The following UTP6 variants were observed in gnomAD, a reference collection of about 807,000 sequenced individuals.
The protein encoded by UTP6 is U3 small nucleolar RNA-associated protein 6 homolog.
A neutral mutation model predicts 96.5 loss-of-function variants in UTP6; 60 were observed. The observed-to-expected ratio is 0.62, with a 90% confidence interval of 0.51 to 0.77. The LOEUF is 0.77. UTP6 is among the 30% of genes least tolerant of loss of function. UTP6 has a pLI of 0.00. For synonymous variants in UTP6, 215 were observed against 240.1 expected (o/e 0.90, Z 0.96); for missense variants, 637 against 706.5 (o/e 0.90, Z 1.12).
At chr17:31,870,986 A>C (rs1035304115) in intron 16 of UTP6, among the ~76,000 whole-genome samples, 2 of 107,058 alleles carry the variant, frequency 1.9e-5, no homozygotes, top group African/African-American at 6.6e-5. Context: ...CAACTTTTTA[A>C]GTTTTTTTTT....
Position 31,887,260 on chromosome 17 carries a change from T to C in UTP6, c.597A>G (p.Glu199=), listed in dbSNP as rs1911204283. ...HAEKLRKEKE[E]FEKASMDVEN... Reference sequence around the variant, plus strand: ...CCACATCCATACTGGCTTTTTCAAATTCTTCCTTCTCCTTCCTCAGTTTTT... The same window carrying C: ...CCACATCCATACTGGCTTTTTCAAACTCTTCCTTCTCCTTCCTCAGTTTTT... The change falls in exon 8 of 19, where the codon GAA becomes GAG. Residue 199 remains glutamate, a synonymous_variant. Transcript: ENST00000261708. 6.2e-7 allele frequency: 1 copy of C among 1,614,044 alleles called. No individual in the cohort carries two copies. The highest frequency in any genetic ancestry group is 1.1e-5 in the South Asian group (1 of 91,082).
At chr17:31,893,340 CACTTGA>C (rs1422641017) in intron 4 of UTP6, among the ~76,000 whole-genome samples, 1 of 148,810 alleles carries the variant, frequency 6.7e-6, no homozygotes, top group Admixed American at 6.7e-5. Context: ...GCAGAAGAAT[CACTTGA>C]ACCTAGGAGG....
chr17:31,884,396 T>C lies in UTP6; in HGVS notation c.785+28A>G, dbSNP rs181678879. On this transcript the variant is annotated intron_variant, in intron 10 of 18. Transcript: ENST00000261708. ...TTAATCTCAAGATCAGAAATAGATA[T>C]ATTCACCTTTCTACTAACTTTACTT... The C allele has an allele frequency of 5.3e-4, 820 of 1,542,100 alleles. 9 individuals carry two copies. In the East Asian group the frequency reaches 0.011, roughly 20 times the overall value.
At chr17:31,884,615 G>A (rs965638054) in intron 9 of UTP6, 110 bp from the exon 10 acceptor site, 46 of 839,934 alleles carry the variant, frequency 5.5e-5, no homozygotes, top group Non-Finnish European at 7.5e-5. Context: ...TTTTTGAAAT[G>A]AGAAATAGAA....
intron 17 of UTP6, among the ~76,000 whole-genome samples, chr17:31,867,506 T>G (rs1909894832): frequency 7.2e-6 from 1 of 139,714 alleles, no homozygotes; most frequent in Admixed American, 7.2e-5. Context: ...AGACTCTATC[T>G]CAAAAAAAAA....
intron 10 of UTP6, 140 bp downstream of exon 10, chr17:31,884,284 C>T: frequency 1.6e-6 from 1 of 637,136 alleles, no homozygotes; most frequent in East Asian, 3.2e-5. Flanking sequence ...AGGTGTGAGC[C>T]ACTGCACCCG....
chr17:31,887,173 C>G lies in UTP6; in HGVS notation c.621+63G>C, dbSNP rs1051387919. Reference sequence around the variant, plus strand: ...TATATTCCAAATATTTTCTCTTACTCCTAAGCAGGCTCAAAATGTTATACA... The same window carrying G: ...TATATTCCAAATATTTTCTCTTACTGCTAAGCAGGCTCAAAATGTTATACA... On this transcript the variant is annotated intron_variant, in intron 8 of 18. Coordinates refer to ENST00000261708, the MANE Select transcript of UTP6 (RefSeq NM_018428.3). 3 of 1,416,510 alleles carry G rather than the reference C, an allele frequency of 2.1e-6. No homozygotes were observed. The South Asian group carries it at 3.6e-5, about 17-fold the overall frequency. 87.7% of individuals were successfully genotyped at this position (1,416,510 alleles called of 1,614,324 possible).
At chr17:31,870,819 G>A (rs898201056) in intron 16 of UTP6, among the ~76,000 whole-genome samples, 5 of 151,566 alleles carry the variant, frequency 3.3e-5, no homozygotes, top group African/African-American at 9.7e-5. Context: ...CACCGCACCT[G>A]GATGTTTTTG....
At chr17:31,873,522 G>A (rs1169501881) in intron 15 of UTP6, 35 bp from the exon 16 acceptor site, 1 of 1,609,200 alleles carries the variant, frequency 6.2e-7, no homozygotes, top group South Asian at 1.1e-5. Context: ...GAAGCTATGT[G>A]AGAAAACTTA....
rs190926113 is a variant in UTP6 at position 31,899,612 on chromosome 17, A to T, written c.177+34T>A. ...GCCATCTCACCAAAAAACAAAAAAGAAAAAAAGAAAGAAATTATTAATTAC... is the reference window on the plus strand; with the variant it reads ...GCCATCTCACCAAAAAACAAAAAAGTAAAAAAGAAAGAAATTATTAATTAC... On this transcript the variant is annotated intron_variant, in intron 2 of 18. Transcript: ENST00000261708. The T allele has an allele frequency of 6.0e-5, 91 of 1,528,476 alleles. No homozygotes were observed. In the African/African-American group the frequency reaches 1.0e-3, roughly 17 times the overall value. The allele number at this position is 1,528,476 out of a possible 1,614,324, so 94.7% of individuals were successfully genotyped here.
intron 12 of UTP6, 84 bp downstream of exon 12, chr17:31,878,618 C>T: frequency 7.7e-7 from 1 of 1,297,780 alleles, no homozygotes; most frequent in Non-Finnish European, 1.1e-6. Flanking sequence ...AGAAACTGTG[C>T]CAGACACCAA....
At chr17:31,888,735 A>T (rs527591380) in intron 7 of UTP6, among the ~76,000 whole-genome samples, 1 of 151,906 alleles carries the variant, frequency 6.6e-6, no homozygotes, top group Non-Finnish European at 1.5e-5. Context: ...ACACCTCCAC[A>T]CTTATTCCTA....
At chr17:31,882,033 T>G (rs921016723) in intron 10 of UTP6, among the ~76,000 whole-genome samples, 1 of 151,798 alleles carries the variant, frequency 6.6e-6, no homozygotes, top group Non-Finnish European at 1.5e-5. Flanking sequence ...GTGTGTGTGT[T>G]TGTGTGTGTG....
At chr17:31,901,443 C>T (rs1416984838) in intron 1 of UTP6, 93 bp downstream of exon 1, 8 of 1,185,706 alleles carry the variant, frequency 6.7e-6, no homozygotes, top group Non-Finnish European at 1.2e-6. Context: ...AAAGTAAACA[C>T]AGGTCGAGCG....
chr17:31,879,194 A>G (rs1910678781), intron 11 of UTP6, among the ~76,000 whole-genome samples: 1 of 152,106 alleles, frequency 6.6e-6, no homozygotes, highest in Non-Finnish European at 1.5e-5. Flanking sequence ...GTTCAAGACC[A>G]GCCTGGCCAA....
intron 17 of UTP6, 74 bp from the exon 18 acceptor site, chr17:31,865,512 A>C (rs1359522851): frequency 7.1e-7 from 1 of 1,415,006 alleles, no homozygotes; most frequent in Non-Finnish European, 9.9e-7. Flanking sequence ...CATATTGTTA[A>C]GCAGCTACTG....
intron 17 of UTP6, chr17:31,866,680 CAA>C (rs1909835857): frequency 1.5e-5 from 2 of 137,704 alleles, no homozygotes; most frequent in Admixed American, 8.0e-5. Context: ...TGCAGTGAGC[CAA>C]GAGTCCAGCC....
At chr17:31,878,172 T>A in intron 13 of UTP6, 78 bp downstream of exon 13, 3 of 1,461,862 alleles carry the variant, frequency 2.1e-6, no homozygotes, top group Non-Finnish European at 1.9e-6. Flanking sequence ...CTATATATAT[T>A]TAAAACATGA....
At chr17:31,870,889 C>T (rs1910129501) in intron 16 of UTP6, among the ~76,000 whole-genome samples, 1 of 151,996 alleles carries the variant, frequency 6.6e-6, no homozygotes, top group African/African-American at 2.4e-5. Flanking sequence ...AAACACGGCT[C>T]ACTACAGCCT....
Sources: gnomAD v4.1 joint callset for allele counts (sites outside exome capture counted in the v4.1 genomes callset) on GRCh38, gnomAD v4.1.1 for gene constraint, MANE v1.5 for transcripts, NCBI Gene and HGNC (gene_info 2026-07-23, HGNC 2026-07-21) for gene names.